Variants in GPHN observed in about 807,000 individuals in gnomAD.
GPHN encodes gephyrin.
In GPHN, 17 loss-of-function variants were observed where a neutral mutation model predicts 95.5. The observed-to-expected ratio is 0.18, with a 90% CI of 0.12 to 0.27. The LOEUF (loss-of-function observed/expected upper bound fraction) is 0.27, where lower values mean the gene tolerates loss of function less well. GPHN is among the 10% of genes least tolerant of loss of function. GPHN has a pLI of 1.00. For missense variants in GPHN, 660 were observed against 978.1 expected (o/e 0.67, Z 4.34); for synonymous variants, 320 against 322.5 (o/e 0.99, Z 0.08).
the GPHN span, among the ~76,000 whole-genome samples, chr14:67,188,774 T>TTTCCTTCCTTCCTTCCTTCC: frequency 2.8e-4 from 42 of 151,070 alleles, no homozygotes; most frequent in African/African-American, 9.3e-4. Flanking sequence ...CTCAGTTTCT[T>TTTCCTTCCTTCCTTCCTTCC]TTCCTTCCTT....
chr14:67,144,244 A>ATGT (rs1222844885), intron 18 of GPHN, among the ~76,000 whole-genome samples: 1 of 67,650 alleles, frequency 1.5e-5, no homozygotes, highest in African/African-American at 7.9e-5. Context: ...CTTAAAAAAA[A>ATGT]AAAAAAATAT....
chr14:67,734,126 G>A, the GPHN span: 2 of 344,220 alleles, frequency 5.8e-6, no homozygotes, highest in African/African-American at 2.1e-5. Context: ...ATCCCAGGCT[G>A]GGCATGGGGG....
the GPHN span, among the ~76,000 whole-genome samples, chr14:67,247,636 T>C: frequency 1.3e-5 from 2 of 152,116 alleles, no homozygotes; most frequent in Non-Finnish European, 2.9e-5. Flanking sequence ...TAAAGTGTAG[T>C]GGCGCAGCAC....
chr14:67,280,677 C>A, the GPHN span, among the ~76,000 whole-genome samples: 49 of 152,280 alleles, frequency 3.2e-4, no homozygotes, highest in African/African-American at 1.2e-3. Context: ...TTTCACTCAC[C>A]AGGCCAGAGC....
At chr14:66,699,049 A>G (rs1326997502) in intron 2 of GPHN, among the ~76,000 whole-genome samples, 1 of 152,228 alleles carries the variant, frequency 6.6e-6, no homozygotes, top group African/African-American at 2.4e-5. Flanking sequence ...CTTCAAGGTA[A>G]TGAAAAGAGT....
At chr14:67,728,054 T>C in the GPHN span, 1 of 152,208 alleles carries the variant, frequency 6.6e-6, no homozygotes, top group African/African-American at 2.4e-5. Flanking sequence ...TGACTTCATC[T>C]TCTCAGCTGT....
chr14:67,557,517 G>A, the GPHN span: 1 of 1,099,470 alleles, frequency 9.1e-7, no homozygotes, highest in East Asian at 2.4e-5. Context: ...TCTAGTGCTG[G>A]GGAACTCGCT....
chr14:67,178,338 A>G (rs1253624059), intron 21 of GPHN, among the ~76,000 whole-genome samples: 2 of 152,216 alleles, frequency 1.3e-5, no homozygotes, highest in Non-Finnish European at 2.9e-5. Context: ...TTGGCTGGAT[A>G]TGAAATTCTG....
intron 5 of GPHN, among the ~76,000 whole-genome samples, chr14:66,881,955 A>G (rs1207386812): frequency 2.6e-5 from 4 of 151,870 alleles, no homozygotes; most frequent in Admixed American, 6.6e-5. Context: ...ATAGTAGTTT[A>G]CATTAGTTAC....
At chr14:67,562,642 G>T in the GPHN span, 1 of 1,612,986 alleles carries the variant, frequency 6.2e-7, no homozygotes, top group East Asian at 2.2e-5. Flanking sequence ...AGCCCCAGGT[G>T]GGCCATGGGC....
chr14:67,124,853 C>T (rs971995533), intron 17 of GPHN, among the ~76,000 whole-genome samples: 1 of 151,784 alleles, frequency 6.6e-6, no homozygotes, highest in South Asian at 2.1e-4. Flanking sequence ...ACTGTATATA[C>T]TGCCATTATC....
chr14:67,193,547 CT>C, the GPHN span, among the ~76,000 whole-genome samples: 6 of 136,298 alleles, frequency 4.4e-5, no homozygotes, highest in South Asian at 4.6e-4. Context: ...AAATATATAT[CT>C]ATATATAGAT....
intron 18 of GPHN, among the ~76,000 whole-genome samples, chr14:67,149,751 A>G (rs935705702): frequency 1.3e-5 from 2 of 152,204 alleles, no homozygotes; most frequent in Non-Finnish European, 2.9e-5. Flanking sequence ...ATATGTAACC[A>G]TTTTAGCAGA....
chr14:67,619,939 G>T, the GPHN span: 1 of 1,407,646 alleles, frequency 7.1e-7, no homozygotes, highest in Non-Finnish European at 9.6e-7. Context: ...TTCCAACCGC[G>T]CGGAGCCTCT....
chr14:67,562,158 G>A, the GPHN span: 109 of 1,611,078 alleles, frequency 6.8e-5, no homozygotes, highest in Admixed American at 1.2e-4. Flanking sequence ...GCTCCTTCAC[G>A]GAAGCTGCTG....
intron 4 of GPHN, among the ~76,000 whole-genome samples, chr14:66,874,313 A>G (rs1035707976): frequency 1.3e-5 from 2 of 152,220 alleles, no homozygotes; most frequent in Non-Finnish European, 2.9e-5. Context: ...ACAGCACAAG[A>G]AGGCTGAAAA....
the GPHN span, among the ~76,000 whole-genome samples, chr14:67,206,934 T>A: frequency 6.6e-6 from 1 of 152,122 alleles, no homozygotes. Context: ...TTCTCCATGT[T>A]GCCCAAGCTG....
At chr14:67,667,719 C>CG in the GPHN span, among the ~76,000 whole-genome samples, 1 of 151,998 alleles carries the variant, frequency 6.6e-6, no homozygotes, top group Admixed American at 6.6e-5. Context: ...CCGAGGCGGG[C>CG]GGATCACGAG....
At chr14:67,431,122 T>C in the GPHN span, among the ~76,000 whole-genome samples, 2 of 151,984 alleles carry the variant, frequency 1.3e-5, no homozygotes, top group African/African-American at 2.4e-5. Flanking sequence ...AGGCTGGGCG[T>C]GGTGGCTCAC....
Sources: gnomAD v4.1 joint callset for allele counts (sites outside exome capture counted in the v4.1 genomes callset) on GRCh38, gnomAD v4.1.1 for gene constraint, MANE v1.5 for transcripts, NCBI Gene and HGNC (gene_info 2026-07-23, HGNC 2026-07-21) for gene names.